Variants in UNC45A observed in about 807,000 individuals in gnomAD.
UNC45A encodes the protein protein unc-45 homolog A.
In UNC45A, 78 loss-of-function variants were observed where a neutral mutation model predicts 103.2. The ratio of observed to expected loss-of-function variants is 0.76; its 90% CI spans 0.63 to 0.91. The LOEUF (loss-of-function observed/expected upper bound fraction) is 0.91, where lower values mean the gene tolerates loss of function less well. Among genes scored for constraint, UNC45A ranks in the 40% least tolerant of loss-of-function variants. The pLI, the probability that UNC45A is intolerant of heterozygous loss-of-function variation, is 0.00. For synonymous variants in UNC45A, 495 were observed against 504.6 expected (o/e 0.98, Z 0.25); for missense variants, 1,193 against 1,224.8 (o/e 0.97, Z 0.39).
upstream of UNC45A, chr15:90,935,261 C>T: frequency 6.6e-7 from 1 of 1,511,088 alleles, no homozygotes; most frequent in Non-Finnish European, 9.0e-7. Context: ...CGGTGGCGTC[C>T]CGAACCCAGA....
In UNC45A at chr15:90,942,928, G is replaced by A; in HGVS notation, c.873G>A (p.Leu291=). 1 of 1,608,878 alleles carries A rather than the reference G, an allele frequency of 6.2e-7. No homozygotes were observed. The highest frequency in any genetic ancestry group is 8.5e-7 in the Non-Finnish European group (1 of 1,176,336). ...GAIIVDPARE[L]KVLISNLLDL... is the part of the protein sequence containing the mutation. ...TGTTGCCAGATCCTGCCCGGGAGCT[G>A]AAGGTCCTCATCAGTAACCTCTTAG... Residue 291 remains leucine (L), a synonymous_variant, in exon 8 of 20, where the codon CTG becomes CTA. Transcript: ENST00000418476.
chr15:90,944,868 T>C (rs1196546578), intron 8 of UNC45A, 24 bp from the exon 9 acceptor site: 2 of 1,604,262 alleles, frequency 1.2e-6, no homozygotes, highest in Admixed American at 3.4e-5. Flanking sequence ...AGTGTTCTAC[T>C]GTCTAAGCGG....
chr15:90,935,746 C>G (rs2035980000), intron 2 of UNC45A, 41 bp downstream of exon 2: 1 of 1,529,074 alleles, frequency 6.5e-7, no homozygotes, highest in South Asian at 1.3e-5. Context: ...CGCCCGGGCC[C>G]CGGTTCGCCC....
Position 90,947,810 on chromosome 15 carries a change from C to G in UNC45A, c.1515C>G (p.Leu505=). 6.2e-7 allele frequency: 1 copy of G among 1,614,094 alleles called. No individual in the cohort carries two copies. Among genetic ancestry groups the G allele is most frequent in the Non-Finnish European group, 8.5e-7 (1 of 1,179,986 alleles). ...TCTTCCTCCAGGGACTCTGTAAGCT[C>G]GGTTCGGCTGGAGGGACTGACTTCA... is the stretch of plus-strand genomic sequence containing the variant. ...RIRALVGLCK[L]GSAGGTDFSM... The change falls in exon 11 of 20, where the codon CTC becomes CTG. Residue 505 remains leucine (L), a synonymous_variant. Coordinates refer to ENST00000418476, the MANE Select transcript of UNC45A (RefSeq NM_018671.5).
At position 90,936,403 on chromosome 15, in the gene UNC45A, C is replaced by T. The variant is rs1490546135; in HGVS notation, c.369C>T (p.Pro123=). The T allele has an allele frequency of 1.2e-6, 2 of 1,614,174 alleles. No individual in the cohort carries two copies. Among genetic ancestry groups the T allele is most frequent in the Non-Finnish European group, 1.7e-6 (2 of 1,180,040 alleles). ...LDLQRCVSLE[P]KNKVFQEALR... ...TGCAGAGATGTGTGAGCTTGGAGCCCAAGAACAAAGTTTTCCAGGAGGCCT... is the reference window on the plus strand; with the variant it reads ...TGCAGAGATGTGTGAGCTTGGAGCCTAAGAACAAAGTTTTCCAGGAGGCCT... The change falls in exon 4 of 20, where the codon CCC becomes CCT. Residue 123 remains proline, a synonymous_variant. Coordinates refer to ENST00000418476, the MANE Select transcript of UNC45A (RefSeq NM_018671.5).
intron 14 of UNC45A, 55 bp from the exon 15 acceptor site, chr15:90,949,599 C>T (rs1022844647): frequency 3.9e-5 from 62 of 1,609,684 alleles, no homozygotes; most frequent in East Asian, 8.9e-5. Flanking sequence ...AGGAGTGCAG[C>T]GTCTGCCTGC....
chr15:90,949,059 G>A (rs1490270815), intron 13 of UNC45A, among the ~76,000 whole-genome samples: 1 of 151,956 alleles, frequency 6.6e-6, no homozygotes, highest in Non-Finnish European at 1.5e-5. Context: ...TGTATTTTTA[G>A]TGGAGACAGT....
At chr15:90,950,445 T>C in intron 16 of UNC45A, 55 bp from the exon 17 acceptor site, 2 of 1,582,610 alleles carry the variant, frequency 1.3e-6, no homozygotes, top group Non-Finnish European at 1.7e-6. Flanking sequence ...GCAGGGTTGG[T>C]GGGGCTTGTG....
In UNC45A at chr15:90,949,527, A is replaced by G. The variant is rs1443527861; in HGVS notation, c.2006+84A>G. Reference sequence around the variant, plus strand: ...TGTGGCTCCAGAGGGTGCAGGTTCCAGTGCTGTGGGCCTCTTAGAGCGACG... The same window carrying G: ...TGTGGCTCCAGAGGGTGCAGGTTCCGGTGCTGTGGGCCTCTTAGAGCGACG... On this transcript the variant is annotated intron_variant, in intron 14 of 19. Transcript: ENST00000418476. The G allele has an allele frequency of 4.8e-5, 77 of 1,600,782 alleles. 1 individual carries two copies. The Admixed American group carries it at 1.3e-3, about 27-fold the overall frequency.
At chr15:90,932,714 G>C (rs978209735), upstream of UNC45A, 8 of 403,440 alleles carry the variant, frequency 2.0e-5, no homozygotes, top group Non-Finnish European at 3.5e-5. Flanking sequence ...CAAGTGATGT[G>C]GACAGCTGCC....
intron 4 of UNC45A, among the ~76,000 whole-genome samples, chr15:90,939,155 A>G (rs1018489550): frequency 6.6e-6 from 1 of 151,014 alleles, no homozygotes; most frequent in African/African-American, 2.4e-5. Flanking sequence ...AATTTTTTGT[A>G]TTTTTAGTAG....
chr15:90,942,329 C>T, intron 6 of UNC45A, 108 bp from the exon 7 acceptor site: 1 of 1,340,790 alleles, frequency 7.5e-7, no homozygotes, highest in Non-Finnish European at 1.0e-6. Context: ...GCTGGGCCTT[C>T]CACCCAATTC....
chr15:90,949,910 G>T, intron 15 of UNC45A, 190 bp downstream of exon 15: 2 of 691,046 alleles, frequency 2.9e-6, no homozygotes, highest in South Asian at 3.5e-5. Context: ...ACTGGTGCCT[G>T]TGAAGGTCCT....
upstream of UNC45A, chr15:90,931,188 C>T: frequency 6.8e-7 from 1 of 1,474,434 alleles, no homozygotes; most frequent in Non-Finnish European, 9.2e-7. Flanking sequence ...ATGGAGGGAG[C>T]TCAGGAGACA....
chr15:90,951,957 G>A (rs1047107155), intron 17 of UNC45A, among the ~76,000 whole-genome samples: 1 of 152,162 alleles, frequency 6.6e-6, no homozygotes, highest in Non-Finnish European at 1.5e-5. Context: ...CAAATGTTAG[G>A]TGTTAGCCTC....
At chr15:90,931,408 G>A (rs1596199497), upstream of UNC45A, 2 of 1,589,160 alleles carry the variant, frequency 1.3e-6, no homozygotes, top group Non-Finnish European at 1.7e-6. Flanking sequence ...TGACCATCCT[G>A]CATAAGAGTC....
At chr15:90,932,491 C>T, upstream of UNC45A, 1 of 1,314,900 alleles carries the variant, frequency 7.6e-7, no homozygotes, top group South Asian at 2.3e-5. Flanking sequence ...CCGGTGCTTG[C>T]GAGCCGCGAA....
In UNC45A at chr15:90,948,194, G is replaced by A. The variant is rs749803217; in HGVS notation, c.1648G>A (p.Gly550Ser). 4.0e-5 allele frequency: 64 copies of A among 1,614,138 alleles called. No homozygotes were observed. The highest frequency in any genetic ancestry group is 5.1e-5 in the Non-Finnish European group (60 of 1,180,036). Residue 550 changes from glycine to serine, a missense_variant, in exon 12 of 20, where the codon GGC becomes AGC. Gly to Ser is a moderately conservative substitution (Grantham distance 56). Coordinates refer to ENST00000418476, the MANE Select transcript of UNC45A (RefSeq NM_018671.5). ...AGGCACTCGGCGCTGGGCAGTGGAGGGCCTGGCTTACCTGACCTTTGATGC... is the reference window on the plus strand; with the variant it reads ...AGGCACTCGGCGCTGGGCAGTGGAGAGCCTGGCTTACCTGACCTTTGATGC... ...DAGTRRWAVE[G>S]LAYLTFDADV... is the part of the protein sequence containing the mutation.
upstream of UNC45A, chr15:90,935,261 C>G: frequency 6.6e-7 from 1 of 1,511,088 alleles, no homozygotes; most frequent in Non-Finnish European, 9.0e-7. Context: ...CGGTGGCGTC[C>G]CGAACCCAGA....
Sources: gnomAD v4.1 joint callset for allele counts (sites outside exome capture counted in the v4.1 genomes callset) on GRCh38, gnomAD v4.1.1 for gene constraint, MANE v1.5 for transcripts, NCBI Gene and HGNC (gene_info 2026-07-23, HGNC 2026-07-21) for gene names.